PCDHA2: variants seen among roughly 807,000 people sequenced by gnomAD.
PCDHA2 encodes protocadherin alpha 2, also known as protocadherin alpha-2.
A neutral mutation model predicts 66.0 loss-of-function variants in PCDHA2; 58 were observed. The ratio of observed to expected loss-of-function variants is 0.88; its 90% confidence interval spans 0.71 to 1.09. The LOEUF (loss-of-function observed/expected upper bound fraction) is 1.09. PCDHA2 is among the 50% of genes least tolerant of loss of function. The pLI is 0.00. For missense variants in PCDHA2, 1,267 were observed against 1,242.3 expected, an observed-to-expected ratio of 1.02 and a Z score of -0.30; for synonymous variants, 634 against 554.0, an observed-to-expected ratio of 1.14 and a Z score of -2.03.
At chr5:140,887,961 G>A (rs1311969868) in intron 1 of PCDHA2, among the ~76,000 whole-genome samples, 1 of 151,770 alleles carries the variant, frequency 6.6e-6, no homozygotes, top group African/African-American at 2.4e-5. Flanking sequence ...GATTCTTTTT[G>A]TCTCTTTTAA....
Position 140,841,423 on chromosome 5 carries a change from C to T in PCDHA2, c.2388+44071C>T, listed in dbSNP as rs139433967. ...TGGGGAGCGGCCAGCTCCACTACTCCGTCCCCGAGGAGGCCAAACACGGCA... is the reference window on the plus strand; with the variant it reads ...TGGGGAGCGGCCAGCTCCACTACTCTGTCCCCGAGGAGGCCAAACACGGCA... On this transcript the variant is annotated intron_variant, in intron 1 of 3. Coordinates refer to ENST00000526136, the MANE Select transcript of PCDHA2 (RefSeq NM_018905.3). 4.9e-4 allele frequency: 796 copies of T among 1,610,400 alleles called. 13 individuals carry two copies. The African/African-American group carries it at 8.8e-3, about 18-fold the overall frequency.
intron 1 of PCDHA2, chr5:140,823,820 C>T (rs2150129375): frequency 1.2e-6 from 2 of 1,613,790 alleles, no homozygotes; most frequent in South Asian, 1.1e-5. Flanking sequence ...TCGCGGGCGT[C>T]GGCGGGCGCT....
intron 1 of PCDHA2, chr5:140,841,776 T>C (rs2150322536): frequency 6.2e-7 from 1 of 1,613,906 alleles, no homozygotes; most frequent in Admixed American, 1.7e-5. Flanking sequence ...GACTCTCGGT[T>C]TCCGCTAGAG....
intron 1 of PCDHA2, chr5:140,802,825 C>T (rs374629500): frequency 2.5e-6 from 4 of 1,613,590 alleles, no homozygotes; most frequent in Non-Finnish European, 2.5e-6. Context: ...GCGGGCGTGC[C>T]GCCTCTGGGC....
At position 140,979,482 on chromosome 5, in the gene PCDHA2, C is replaced by A. The variant is rs568650143; in HGVS notation, c.2447+475C>A. On this transcript the variant is annotated intron_variant, in intron 2 of 3. Coordinates refer to ENST00000526136, the MANE Select transcript of PCDHA2 (RefSeq NM_018905.3). Reference sequence around the variant, plus strand: ...ATTGATTGCTATTGTTGTTTGTGTTCACACCTATTAGAGCCTCCTCATCTT... The same window carrying A: ...ATTGATTGCTATTGTTGTTTGTGTTAACACCTATTAGAGCCTCCTCATCTT... Among the ~76,000 whole-genome samples, 6 of 152,068 alleles carry A rather than the reference C, an allele frequency of 3.9e-5. No homozygotes were observed. In the South Asian group the frequency reaches 1.0e-3, roughly 26 times the overall value.
intron 1 of PCDHA2, chr5:140,856,358 C>T: frequency 6.3e-7 from 1 of 1,598,606 alleles, no homozygotes; most frequent in African/African-American, 1.3e-5. Context: ...GTGCAGCATC[C>T]ACCTGGAGGT....
At chr5:140,825,158 G>A (rs1302823114) in intron 1 of PCDHA2, 2 of 151,148 alleles carry the variant, frequency 1.3e-5, no homozygotes, top group East Asian at 3.9e-4. Flanking sequence ...TTTTAATCTT[G>A]CTTTTTTCAT....
rs2150133145 is a variant in PCDHA2, at chr5:140,824,197, C to CT, written c.2388+26852dup. 4.4e-5 allele frequency: 70 copies of CT among 1,598,448 alleles called. No homozygotes were observed. In the African/African-American group the frequency reaches 7.8e-4, roughly 18 times the overall value. ...AAATATTAAATGTCACATTCACCCA[C>CT]TTTTTTTGTATTTAAAAATTATGTC... is the stretch of plus-strand genomic sequence containing the variant. On this transcript the variant is annotated intron_variant, in intron 1 of 3. Coordinates refer to ENST00000526136, the MANE Select transcript of PCDHA2 (RefSeq NM_018905.3).
At chr5:140,990,288 C>T (rs537252814) in intron 3 of PCDHA2, among the ~76,000 whole-genome samples, 1 of 152,226 alleles carries the variant, frequency 6.6e-6, no homozygotes, top group South Asian at 2.1e-4. Context: ...TTGAGATTAT[C>T]GATGCCATTG....
intron 1 of PCDHA2, among the ~76,000 whole-genome samples, chr5:140,899,497 T>G (rs2067365308): frequency 6.6e-6 from 1 of 152,254 alleles, no homozygotes; most frequent in South Asian, 2.1e-4. Context: ...TTACATTTAT[T>G]GATTTGCATA....
chr5:140,800,263 T>C (rs1301030062), intron 1 of PCDHA2, among the ~76,000 whole-genome samples: 1 of 152,170 alleles, frequency 6.6e-6, no homozygotes, highest in Non-Finnish European at 1.5e-5. Context: ...GAAACAAATT[T>C]CCTGTTTGAA....
intron 1 of PCDHA2, chr5:140,871,260 G>T (rs761268820): frequency 1.4e-5 from 22 of 1,613,980 alleles, no homozygotes; most frequent in Admixed American, 8.3e-5. Context: ...TGTATACGGC[G>T]CTGTGGTGGT....
intron 1 of PCDHA2, chr5:140,804,896 A>G: frequency 1.4e-6 from 1 of 723,606 alleles, no homozygotes; most frequent in Non-Finnish European, 2.1e-6. Flanking sequence ...CCTTCCCCTC[A>G]CTTCCATTTT....
At chr5:140,970,773 T>G (rs1385909769) in intron 1 of PCDHA2, among the ~76,000 whole-genome samples, 1 of 152,240 alleles carries the variant, frequency 6.6e-6, no homozygotes, top group Non-Finnish European at 1.5e-5. Context: ...TTGCTGTACA[T>G]ACATATTGTA....
intron 1 of PCDHA2, among the ~76,000 whole-genome samples, chr5:140,953,290 A>G (rs1554220852): frequency 1.3e-5 from 2 of 152,124 alleles, no homozygotes; most frequent in Admixed American, 6.6e-5. Context: ...TATGTGATTC[A>G]GGGACGGCAG....
At chr5:140,876,531 T>G in intron 1 of PCDHA2, 1 of 1,614,200 alleles carries the variant, frequency 6.2e-7, no homozygotes, top group South Asian at 1.1e-5. Flanking sequence ...TAATGGTTAC[T>G]TCACTGTCGC....
intron 1 of PCDHA2, among the ~76,000 whole-genome samples, chr5:140,880,113 C>T (rs957295411): frequency 4.6e-5 from 7 of 152,220 alleles, no homozygotes; most frequent in Admixed American, 3.3e-4. Context: ...GAAGGATAGA[C>T]AACAGGAAGC....
chr5:140,990,956 G>T (rs1179435982), intron 3 of PCDHA2, among the ~76,000 whole-genome samples: 1 of 152,136 alleles, frequency 6.6e-6, no homozygotes, highest in Non-Finnish European at 1.5e-5. Context: ...TGTAGAAATA[G>T]TCTCTTAGAA....
rs543899552 is a variant in PCDHA2 at position 140,891,287 on chromosome 5, A to T, written c.2389-87662A>T. ...AATTTTTCCGTAAGTTATTGGGGGT[A>T]CAGGTGGTATTTGATTACATGAGTA... is the stretch of plus-strand genomic sequence containing the variant. On this transcript the variant is annotated intron_variant, in intron 1 of 3. Transcript: ENST00000526136. 3.9e-5 allele frequency among the ~76,000 whole-genome samples: 6 copies of T among 152,176 alleles called. No individual in the cohort carries two copies. In the South Asian group the frequency reaches 6.2e-4, roughly 16 times the overall value.
Sources: gnomAD v4.1 joint callset for allele counts (sites outside exome capture counted in the v4.1 genomes callset) on GRCh38, gnomAD v4.1.1 for gene constraint, MANE v1.5 for transcripts, NCBI Gene and HGNC (gene_info 2026-07-23, HGNC 2026-07-21) for gene names.